The following TMEM132C variants were observed in gnomAD, a reference collection of about 807,000 sequenced individuals.
TMEM132C encodes the protein protein phosphatase 1, regulatory subunit 152.
In TMEM132C, 29 loss-of-function variants were observed where a neutral mutation model predicts 61.4. The observed-to-expected ratio is 0.47, with a 90% confidence interval of 0.35 to 0.64. The LOEUF is 0.64. Among genes scored for constraint, TMEM132C ranks in the 30% least tolerant of loss-of-function variants. The probability of loss-of-function intolerance (pLI) is 0.00; values close to 1 mark genes in which losing one functional copy is unlikely to be tolerated. For missense variants in TMEM132C, 1,408 were observed against 1,476.9 expected (o/e 0.95, Z 0.76); for synonymous variants, 656 against 633.1 (o/e 1.04, Z -0.54).
rs547920181 is a variant in TMEM132C at position 128,533,277 on chromosome 12, G to A, written c.975-10680G>A. On this transcript the variant is annotated intron_variant, in intron 2 of 8. Transcript: ENST00000435159. The stretch of plus-strand genomic sequence containing the variant: ...CTCAGTGCAATGGGACCTTACATCA[G>A]CTGGTTCCTTCAGGGTTGTAATGAC... Among the ~76,000 whole-genome samples the A allele has an allele frequency of 1.2e-3, 178 of 152,344 alleles. 1 individual carries two copies. The highest frequency in any genetic ancestry group is 2.0e-3 in the Non-Finnish European group (134 of 68,028).
Position 128,285,690 on chromosome 12 carries a change from C to T in TMEM132C, c.85+18203C>T, listed in dbSNP as rs147460073. Reference sequence around the variant, plus strand: ...CTCCCCTCGCCCCCATCTCTCTCTCCCCATCTCTATCCCTCTGTCCCTTTC... The same window carrying T: ...CTCCCCTCGCCCCCATCTCTCTCTCTCCATCTCTATCCCTCTGTCCCTTTC... On this transcript the variant is annotated intron_variant, in intron 1 of 8. Coordinates refer to ENST00000435159, the MANE Select transcript of TMEM132C (RefSeq NM_001136103.3). Among the ~76,000 whole-genome samples the T allele has an allele frequency of 2.5e-3, 363 of 145,388 alleles. 3 individuals are homozygous for T. Among genetic ancestry groups the T allele is most frequent in the Middle Eastern group, 0.022 (6 of 268 alleles).
chr12:128,414,995 A>G lies in TMEM132C; in HGVS notation c.349A>G (p.Asn117Asp), dbSNP rs751739056. The change falls in exon 2 of 9, where the codon AAC becomes GAC. Residue 117 changes from asparagine (N) to aspartate (D), a missense_variant. Physicochemically the swap from Asn to Asp is conservative, Grantham distance 23. Transcript: ENST00000435159. ...VVPLDLMLTS[N>D]FLGPTNKFSF... ...GCCTCTGGACTTGATGTTGACTTCA[A>G]ACTTTTTAGGTCCAACCAATAAGTT... The G allele has an allele frequency of 3.2e-6, 5 of 1,552,638 alleles. No individual in the cohort carries two copies. In the South Asian group the frequency reaches 4.8e-5, roughly 15 times the overall value.
chr12:128,490,773 A>T, intron 2 of TMEM132C, among the ~76,000 whole-genome samples: 1 of 152,210 alleles, frequency 6.6e-6, no homozygotes, highest in Admixed American at 6.5e-5. Flanking sequence ...ATTCTAGAAA[A>T]GTCCCCAAGT....
At chr12:128,604,855 G>A (rs1310891023) in intron 3 of TMEM132C, among the ~76,000 whole-genome samples, 4 of 150,020 alleles carry the variant, frequency 2.7e-5, no homozygotes, top group Admixed American at 2.0e-4. Flanking sequence ...ACAGACAGAT[G>A]GCTAGATAAA....
At chr12:128,655,468 G>C (rs565947674) in intron 4 of TMEM132C, among the ~76,000 whole-genome samples, 11 of 151,858 alleles carry the variant, frequency 7.2e-5, no homozygotes, top group Admixed American at 2.6e-4. Context: ...ACTCTGCCCT[G>C]AATCCAGAAC....
intron 1 of TMEM132C, among the ~76,000 whole-genome samples, chr12:128,290,861 A>G (rs546722832): frequency 6.7e-6 from 1 of 148,764 alleles, no homozygotes; most frequent in South Asian, 2.1e-4. Context: ...AAAAAAAAAA[A>G]AGAAATAAGT....
intron 1 of TMEM132C, among the ~76,000 whole-genome samples, chr12:128,395,211 T>C (rs964176142): frequency 9.3e-5 from 14 of 150,338 alleles, no homozygotes; most frequent in African/African-American, 3.4e-4. Context: ...TATAGTTCAT[T>C]CATTTTAATA....
chr12:128,688,589 T>C (rs1954695637), intron 5 of TMEM132C, among the ~76,000 whole-genome samples: 1 of 151,766 alleles, frequency 6.6e-6, no homozygotes, highest in Non-Finnish European at 1.5e-5. Context: ...GAACAATGAG[T>C]TATAGAGGAA....
chr12:128,505,956 C>G (rs1026528988), intron 2 of TMEM132C, among the ~76,000 whole-genome samples: 6 of 152,146 alleles, frequency 3.9e-5, no homozygotes, highest in Non-Finnish European at 8.8e-5. Context: ...CCTCTTTCAT[C>G]AGAATGGGCT....
intron 4 of TMEM132C, among the ~76,000 whole-genome samples, chr12:128,635,657 C>A (rs1474089364): frequency 6.6e-6 from 1 of 152,098 alleles, no homozygotes; most frequent in Non-Finnish European, 1.5e-5. Flanking sequence ...TCTCCATTGT[C>A]TAAAAGCAAC....
intron 1 of TMEM132C, among the ~76,000 whole-genome samples, chr12:128,390,977 C>T (rs1345542565): frequency 6.6e-6 from 1 of 152,152 alleles, no homozygotes; most frequent in Non-Finnish European, 1.5e-5. Context: ...GTGTGCTGTC[C>T]TCTTGGTGCA....
At chr12:128,493,021 TTTGTATAAGGTG>T (rs1212275795) in intron 2 of TMEM132C, among the ~76,000 whole-genome samples, 2 of 152,312 alleles carry the variant, frequency 1.3e-5, no homozygotes, top group East Asian at 3.9e-4. Context: ...TGAATTAATT[TTTGTATAAGGTG>T]TAAGGAAGGG....
chr12:128,469,863 C>T (rs932355001), intron 2 of TMEM132C, among the ~76,000 whole-genome samples: 8 of 151,858 alleles, frequency 5.3e-5, no homozygotes, highest in Admixed American at 2.0e-4. Context: ...TATATACACA[C>T]ACCCACATAT....
chr12:128,367,742 T>C (rs1315959483), intron 1 of TMEM132C, among the ~76,000 whole-genome samples: 3 of 146,188 alleles, frequency 2.1e-5, no homozygotes, highest in Admixed American at 6.8e-5. Flanking sequence ...TGAAAAAAAG[T>C]AAAAAAAAAA....
intron 4 of TMEM132C, among the ~76,000 whole-genome samples, chr12:128,627,702 G>C (rs1242439352): frequency 1.3e-5 from 2 of 152,178 alleles, no homozygotes; most frequent in Admixed American, 6.5e-5. Flanking sequence ...CCCCTGTCCT[G>C]CTGCCTTCAA....
chr12:128,407,514 A>G (rs551221503), intron 1 of TMEM132C, among the ~76,000 whole-genome samples: 2 of 152,270 alleles, frequency 1.3e-5, no homozygotes, highest in South Asian at 4.2e-4. Flanking sequence ...CCTGAGTCTC[A>G]GGACTTCTGA....
chr12:128,356,368 C>T (rs1371589410), intron 1 of TMEM132C, among the ~76,000 whole-genome samples: 1 of 152,200 alleles, frequency 6.6e-6, no homozygotes, highest in African/African-American at 2.4e-5. Flanking sequence ...GGCACACGAA[C>T]CTAACCTATT....
chr12:128,415,709 T>A lies in TMEM132C; in HGVS notation c.974+89T>A. On this transcript the variant is annotated intron_variant, in intron 2 of 8. Coordinates refer to ENST00000435159, the MANE Select transcript of TMEM132C (RefSeq NM_001136103.3). This position sits in a 1 kb window ranked among gnomAD's most constrained non-coding sequence, Gnocchi z 5.8. Reference sequence around the variant, plus strand: ...GTGGCAGATAGATATTCAGGAAGCATCGATTTTCACTACCTTCAGGGACCG... The same window carrying A: ...GTGGCAGATAGATATTCAGGAAGCAACGATTTTCACTACCTTCAGGGACCG... The A allele has an allele frequency of 7.2e-7, 1 of 1,397,732 alleles. No homozygotes were observed. Among genetic ancestry groups the A allele is most frequent in the South Asian group, 1.5e-5 (1 of 64,906 alleles). 86.6% of individuals were successfully genotyped at this position (1,397,732 alleles called of 1,614,324 possible).
At chr12:128,433,657 CCCTCAGAGGAT>C (rs1869475028) in intron 2 of TMEM132C, among the ~76,000 whole-genome samples, 1 of 152,088 alleles carries the variant, frequency 6.6e-6, no homozygotes, top group African/African-American at 2.4e-5. Flanking sequence ...GTTGATAGGA[CCCTCAGAGGAT>C]CCTCAGGCTC....
Sources: gnomAD v4.1 joint callset for allele counts (sites outside exome capture counted in the v4.1 genomes callset) on GRCh38, gnomAD v4.1.1 for gene constraint, Gnocchi (gnomAD v3.1) non-coding constraint, MANE v1.5 for transcripts, NCBI Gene and HGNC (gene_info 2026-07-23, HGNC 2026-07-21) for gene names.